The following DDX21 variants were observed in gnomAD, a reference collection of about 807,000 sequenced individuals.
The protein encoded by DDX21 is DExD-box helicase 21.
A neutral mutation model predicts 90.0 loss-of-function variants in DDX21; 18 were observed. That is an observed-to-expected ratio of 0.20 (90% CI 0.14 to 0.30). DDX21 has a LOEUF of 0.30. Ranked by LOEUF, DDX21 falls within the 10% of genes least tolerant of loss-of-function variation. The probability of loss-of-function intolerance (pLI) is 1.00; values close to 1 mark genes in which losing one functional copy is unlikely to be tolerated. For missense variants in DDX21, 673 were observed against 944.5 expected, an observed-to-expected ratio of 0.71 and a Z score of 3.77; for synonymous variants, 294 against 318.0, an observed-to-expected ratio of 0.92 and a Z score of 0.80.
chr10:68,960,780 A>C lies in DDX21; in HGVS notation c.531+531A>C, dbSNP rs1842863310. 3.3e-5 allele frequency among the ~76,000 whole-genome samples: 5 copies of C among 152,114 alleles called. No individual in the cohort carries two copies. In the South Asian group the frequency reaches 6.2e-4, roughly 19 times the overall value. On this transcript the variant is annotated intron_variant, in intron 2 of 14. Coordinates refer to ENST00000354185, the MANE Select transcript of DDX21 (RefSeq NM_004728.4). The stretch of plus-strand genomic sequence containing the variant: ...TCCCAGCGGACTCTGTCTTTAAAAA[A>C]AAAAAAAAAAAAATTAGCATAGTGT...
rs1037460015 is a variant in DDX21 at position 68,978,871 on chromosome 10, A to G, written c.1932A>G (p.Ser644=). 1.2e-6 allele frequency: 2 copies of G among 1,614,044 alleles called. No homozygotes were observed. Among genetic ancestry groups the G allele is most frequent in the African/African-American group, 2.7e-5 (2 of 74,954 alleles). ...TTGTGACCATGATCTTGCAGTGCTC[A>G]ATTGAAATGCCAAATATTAGTTATG... ...VGFVTMILQC[S]IEMPNISYAW... is the part of the protein sequence containing the mutation. The change falls in exon 13 of 15, where the codon TCA becomes TCG. Residue 644 remains serine (S), a synonymous_variant. Coordinates refer to ENST00000354185, the MANE Select transcript of DDX21 (RefSeq NM_004728.4).
At chr10:68,971,841 T>C in intron 8 of DDX21, 50 bp from the exon 9 acceptor site, 1 of 1,580,010 alleles carries the variant, frequency 6.3e-7, no homozygotes, top group Non-Finnish European at 8.6e-7. Flanking sequence ...AGAGAAAAAG[T>C]ACTTGTATTG....
intron 7 of DDX21, among the ~76,000 whole-genome samples, chr10:68,969,796 G>A (rs1435268226): frequency 6.6e-6 from 1 of 152,184 alleles, no homozygotes; most frequent in African/African-American, 2.4e-5. Flanking sequence ...TAATTTCACT[G>A]AGGAACAGAC....
rs538527106 is a variant in DDX21, at chr10:68,965,506, C to T, written c.904+12C>T. On this transcript the variant is annotated intron_variant, in intron 5 of 14. Transcript: ENST00000354185. The stretch of plus-strand genomic sequence containing the variant: ...CTATGGAGGTCAATGTGAGTACATT[C>T]AAAAAGTGAGGGAGGTATAATGCCA... 6.3e-7 allele frequency: 1 copy of T among 1,592,292 alleles called. No individual in the cohort carries two copies. The highest frequency in any genetic ancestry group is 2.2e-5 in the East Asian group (1 of 44,698).
At chr10:68,962,854 T>C (rs181636262) in intron 3 of DDX21, among the ~76,000 whole-genome samples, 1 of 152,266 alleles carries the variant, frequency 6.6e-6, no homozygotes, top group Admixed American at 6.5e-5. Context: ...AGCAGCACAG[T>C]TGGATTGCAA....
At chr10:68,958,814 ATCC>A (rs1842835404) in intron 1 of DDX21, among the ~76,000 whole-genome samples, 2 of 152,120 alleles carry the variant, frequency 1.3e-5, no homozygotes, top group South Asian at 4.2e-4. Context: ...GCCTCAAACA[ATCC>A]TCCTGCCTTG....
chr10:68,971,118 T>C (rs929132842), intron 8 of DDX21, among the ~76,000 whole-genome samples: 1 of 151,028 alleles, frequency 6.6e-6, no homozygotes, highest in African/African-American at 2.4e-5. Context: ...TGTTTTATTA[T>C]TGATATAATT....
intron 1 of DDX21, 103 bp downstream of exon 1, chr10:68,956,415 A>G: frequency 6.5e-7 from 1 of 1,548,956 alleles, no homozygotes; most frequent in Non-Finnish European, 8.7e-7. Flanking sequence ...CGCGGCGGAT[A>G]ACAGCGCGTC....
chr10:68,968,186 T>C (rs1418677279), intron 6 of DDX21, among the ~76,000 whole-genome samples: 1 of 152,130 alleles, frequency 6.6e-6, no homozygotes, highest in Non-Finnish European at 1.5e-5. Context: ...TTTTTTATTT[T>C]TAAGATAGGC....
chr10:68,956,574 G>A (rs760247173), intron 1 of DDX21: 16 of 1,305,212 alleles, frequency 1.2e-5, no homozygotes, highest in Admixed American at 3.2e-5. Flanking sequence ...CGGAACTCTG[G>A]TAGAGAGGCC....
At chr10:68,956,465 A>G (rs972354683) in intron 1 of DDX21, 153 bp downstream of exon 1, 1 of 1,465,024 alleles carries the variant, frequency 6.8e-7, no homozygotes, top group African/African-American at 1.4e-5. Flanking sequence ...GTCGCCCAGG[A>G]GTGGTGCGCT....
chr10:68,963,141 G>A (rs1842893963), intron 3 of DDX21, 150 bp from the exon 4 acceptor site: 12 of 742,878 alleles, frequency 1.6e-5, no homozygotes, highest in East Asian at 2.8e-5. Context: ...AAAAATATAC[G>A]TATTTGAGCC....
At position 68,956,300 on chromosome 10, in the gene DDX21, G is replaced by T; in HGVS notation, c.75G>T (p.Lys25Asn). 6.2e-7 allele frequency: 1 copy of T among 1,614,226 alleles called. No homozygotes were observed. Among genetic ancestry groups the T allele is most frequent in the African/African-American group, 1.3e-5 (1 of 75,082 alleles). ...TAMKKGETLR[K>N]QTEEKEKKEK... is the part of the protein sequence containing the mutation. ...TGAAAAAAGGGGAGACACTGCGAAA[G>T]CAAACCGAGGAGGTGAAACGGAGGG... The change falls in exon 1 of 15, where the codon AAG becomes AAT. Residue 25 changes from lysine to asparagine, a missense_variant. Physicochemically the swap from Lys to Asn is moderately conservative, Grantham distance 94. Transcript: ENST00000354185.
rs754479467 is a variant in DDX21, at chr10:68,965,423, A to G, written c.833A>G (p.Lys278Arg). The change falls in exon 5 of 15, where the codon AAA becomes AGA. Residue 278 changes from lysine to arginine, a missense_variant. By Grantham distance (26) the Lys-to-Arg change is conservative (BLOSUM62 2). Around this residue, in one of 4 missense-constraint regions of DDX21, gnomAD observed 218 missense variants for 347.3 expected, o/e 0.63. Transcript: ENST00000354185. Reference protein sequence around the residue: ...PTRELANQVSKDFSDITKKLS... With the variant: ...PTRELANQVSRDFSDITKKLS... Reference sequence around the variant, plus strand: ...AGAGAGTTGGCAAATCAAGTAAGCAAAGACTTCAGTGACATCACAAAAAAG... The same window carrying G: ...AGAGAGTTGGCAAATCAAGTAAGCAGAGACTTCAGTGACATCACAAAAAAG... 40 of 1,613,916 alleles carry G rather than the reference A, an allele frequency of 2.5e-5. No individual in the cohort carries two copies. The highest frequency in any genetic ancestry group is 3.1e-5 in the Non-Finnish European group (37 of 1,180,006).
In DDX21 at chr10:68,978,828, T is replaced by C; in HGVS notation, c.1903-14T>C. ...TCAGCACTTTAATTTTATTCTCCTT[T>C]CTTGTGTTGTAAGGGTTTTGTGACC... is the stretch of plus-strand genomic sequence containing the variant. On this transcript the variant is annotated splice_polypyrimidine_tract_variant and intron_variant, in intron 12 of 14. Transcript: ENST00000354185. 6.2e-7 allele frequency: 1 copy of C among 1,603,714 alleles called. No individual in the cohort carries two copies. Among genetic ancestry groups the C allele is most frequent in the Non-Finnish European group, 8.5e-7 (1 of 1,173,512 alleles).
At position 68,978,982 on chromosome 10, in the gene DDX21, G is replaced by T; in HGVS notation, c.2037+6G>T. The T allele has an allele frequency of 6.8e-6, 11 of 1,614,004 alleles. No individual in the cohort carries two copies. The highest frequency in any genetic ancestry group is 9.3e-6 in the Non-Finnish European group (11 of 1,179,950). ...TTTTTCTCAAAGGAAAGCTGGTAAG[G>T]CTGGGGTCTCTGTTGTAACCTTGAT... On this transcript the variant is annotated splice_donor_region_variant and intron_variant, in intron 13 of 14. Coordinates refer to ENST00000354185, the MANE Select transcript of DDX21 (RefSeq NM_004728.4).
chr10:68,963,202 C>T (rs1842895122), intron 3 of DDX21, 89 bp from the exon 4 acceptor site: 1 of 1,325,618 alleles, frequency 7.5e-7, no homozygotes, highest in Non-Finnish European at 1.0e-6. Context: ...TCTGCAGGAC[C>T]AGAAGCATGA....
chr10:68,956,431 A>C (rs1362985059), intron 1 of DDX21, 119 bp downstream of exon 1: 2 of 1,516,526 alleles, frequency 1.3e-6, no homozygotes, highest in Non-Finnish European at 1.8e-6. Context: ...GCGTCCAGAC[A>C]CCGGGCGTGG....
intron 5 of DDX21, among the ~76,000 whole-genome samples, chr10:68,966,221 G>A (rs10998507): frequency 0.58 from 87,243 of 150,772 alleles, 26,352 homozygotes; most frequent in East Asian, 0.9. Context: ...GCGTGAACCT[G>A]GGAGGCTCCC....
Sources: gnomAD v4.1 joint callset for allele counts (sites outside exome capture counted in the v4.1 genomes callset) on GRCh38, gnomAD v4.1.1 for gene constraint, gnomAD v4.1.1 regional missense constraint, MANE v1.5 for transcripts, NCBI Gene and HGNC (gene_info 2026-07-23, HGNC 2026-07-21) for gene names.